MOB3A: variants seen among roughly 807,000 people sequenced by gnomAD.
MOB3A encodes the protein MOB kinase activator 3A.
A neutral mutation model predicts 17.8 loss-of-function variants in MOB3A; 17 were observed. The ratio of observed to expected loss-of-function variants is 0.95; its 90% CI spans 0.65 to 1.43. The LOEUF is 1.43. MOB3A is among the 40% of genes most tolerant of loss of function. The pLI, the probability that MOB3A is intolerant of heterozygous loss-of-function variation, is 0.00. For synonymous variants in MOB3A, 124 were observed against 133.2 expected, an observed-to-expected ratio of 0.93 and a Z score of 0.48; for missense variants, 333 against 310.8, an observed-to-expected ratio of 1.07 and a Z score of -0.54.
intron 2 of MOB3A, among the ~76,000 whole-genome samples, chr19:2,080,529 A>C (rs763351660): frequency 4.6e-5 from 7 of 152,122 alleles, no homozygotes; most frequent in Non-Finnish European, 1.0e-4. Context: ...AGGCACGTGC[A>C]ACCACACCCA....
intron 2 of MOB3A, among the ~76,000 whole-genome samples, chr19:2,081,768 C>T (rs867936285): frequency 5.3e-5 from 8 of 151,976 alleles, no homozygotes; most frequent in South Asian, 2.1e-4. Context: ...CCTGAAATTC[C>T]GGCTACTTGG....
In MOB3A at chr19:2,076,794, G is replaced by T; in HGVS notation, c.624+17C>A. 6.2e-7 allele frequency: 1 copy of T among 1,612,164 alleles called. No homozygotes were observed. The stretch of plus-strand genomic sequence containing the variant: ...GCCCCACCGTAACCGCACGCCCTCA[G>T]CCCCAAGCCCGCGCACCAGTGGCTC... On this transcript the variant is annotated intron_variant, in intron 4 of 4. Transcript: ENST00000357066.
chr19:2,094,492 C>G (rs1254527175), intron 1 of MOB3A, among the ~76,000 whole-genome samples: 5 of 152,196 alleles, frequency 3.3e-5, no homozygotes, highest in Non-Finnish European at 7.3e-5. Flanking sequence ...TCTCACGGGT[C>G]AAAACCTAGA....
In MOB3A at chr19:2,076,859, ATAG is replaced by A. The variant is rs1418483338; in HGVS notation, c.573_575del (p.Tyr192del). 5.0e-6 allele frequency: 8 copies of A among 1,613,938 alleles called. No homozygotes were observed. The highest frequency in any genetic ancestry group is 2.2e-5 in the East Asian group (1 of 44,898). ...CGATGAGGCCGAACTCCTTGACGAA[ATAG>A]TAGAAGTGCTTGTAGCAGGTGTTCA... On this transcript the variant is annotated inframe_deletion, in exon 4 of 5. Transcript: ENST00000357066.
rs369446517 is a variant in MOB3A at position 2,073,388 on chromosome 19, G to A, written c.*7C>T. ...GCGGTTCGGGCACCGGGAGACCCGC[G>A]GGGCTCTCAGTGGCACATCCGGGCG... On this transcript the variant is annotated 3_prime_UTR_variant, in exon 5 of 5. Transcript: ENST00000357066. 2.1e-5 allele frequency: 34 copies of A among 1,613,284 alleles called. No individual in the cohort carries two copies. The highest frequency in any genetic ancestry group is 1.7e-4 in the African/African-American group (13 of 74,894).
In MOB3A at chr19:2,078,567, G is replaced by A. The variant is rs1183350714; in HGVS notation, c.-7C>T. On this transcript the variant is annotated 5_prime_UTR_variant, in exon 3 of 5. Transcript: ENST00000357066. The stretch of plus-strand genomic sequence containing the variant: ...TCAGGAAGGGGTTGGACATCTTGGT[G>A]ACGCCTGCTCTCCTGGACTTCTGTA... 6.4e-7 allele frequency: 1 copy of A among 1,558,698 alleles called. No homozygotes were observed. The highest frequency in any genetic ancestry group is 8.7e-7 in the Non-Finnish European group (1 of 1,148,380).
Position 2,072,785 on chromosome 19 carries a change from G to T in MOB3A, c.*610C>A, listed in dbSNP as rs1456358967. 6.6e-6 allele frequency: 1 copy of T among 152,350 alleles called. No individual in the cohort carries two copies. The highest frequency in any genetic ancestry group is 1.5e-5 in the Non-Finnish European group (1 of 68,142). 9.4% of individuals were successfully genotyped at this position (152,350 alleles called of 1,614,324 possible). A position where few individuals can be genotyped will look rare whatever the true frequency, so the allele number is the denominator to read the frequency against. On this transcript the variant is annotated 3_prime_UTR_variant, in exon 5 of 5. Transcript: ENST00000357066. Reference sequence around the variant, plus strand: ...TCTGTAGAAAAATGGAAGAGATTGGGGAGGGAGGAAAGAGGCTGCCTGGGT... The same window carrying T: ...TCTGTAGAAAAATGGAAGAGATTGGTGAGGGAGGAAAGAGGCTGCCTGGGT...
chr19:2,086,942 A>C (rs1161905136), intron 1 of MOB3A, among the ~76,000 whole-genome samples: 1 of 151,946 alleles, frequency 6.6e-6, no homozygotes, highest in African/African-American at 2.4e-5. Flanking sequence ...CAGGCACACA[A>C]CACCACACCT....
chr19:2,076,935 TA>T lies in MOB3A; in HGVS notation c.499del (p.Tyr167ThrfsTer17), dbSNP rs1804403208. The stretch of plus-strand genomic sequence containing the variant: ...CGCGATGCGGTCAAAGTGGTGGATG[TA>T]GACGTGCACGAACACGCGGAACAGC... The part of the protein sequence containing the change: ...SRLFRVFVHV[Y>X]IHHFDRIAQM... On this transcript the variant is annotated frameshift_variant, in exon 4 of 5. Transcript: ENST00000357066. LOFTEE classifies it high-confidence loss of function. 1.2e-6 allele frequency: 2 copies of T among 1,613,848 alleles called. No homozygotes were observed. The highest frequency in any genetic ancestry group is 8.5e-7 in the Non-Finnish European group (1 of 1,180,022).
chr19:2,075,425 A>G (rs1283558738), intron 4 of MOB3A, among the ~76,000 whole-genome samples: 3 of 152,292 alleles, frequency 2.0e-5, no homozygotes, highest in East Asian at 3.9e-4. Flanking sequence ...GCTTGCATCC[A>G]TGAGTTCAGA....
At chr19:2,089,615 A>T (rs2017590610) in intron 1 of MOB3A, among the ~76,000 whole-genome samples, 1 of 151,670 alleles carries the variant, frequency 6.6e-6, no homozygotes. Context: ...GTGGCCCATG[A>T]TCCTCTGCTC....
At chr19:2,084,032 A>C (rs2017522096) in intron 2 of MOB3A, 2 of 399,702 alleles carry the variant, frequency 5.0e-6, no homozygotes, top group African/African-American at 2.1e-5. Flanking sequence ...TCAGCTTCCC[A>C]AAGTGCTGGG....
intron 1 of MOB3A, among the ~76,000 whole-genome samples, chr19:2,091,296 G>C (rs2017611026): frequency 6.6e-6 from 1 of 152,204 alleles, no homozygotes; most frequent in South Asian, 2.1e-4. Flanking sequence ...ACAGTTTTAA[G>C]AAGAATGAGA....
chr19:2,077,333 T>G (rs2017425331), intron 3 of MOB3A, among the ~76,000 whole-genome samples: 1 of 149,944 alleles, frequency 6.7e-6, no homozygotes, highest in Non-Finnish European at 1.5e-5. Context: ...ACCTGGGAGG[T>G]AGAGGTTGAA....
chr19:2,080,026 C>T (rs755594805), intron 2 of MOB3A, among the ~76,000 whole-genome samples: 10 of 152,170 alleles, frequency 6.6e-5, no homozygotes, highest in Non-Finnish European at 1.2e-4. Flanking sequence ...TCACACACCG[C>T]GCGTGTGCCG....
intron 4 of MOB3A, among the ~76,000 whole-genome samples, chr19:2,075,774 G>A (rs975417024): frequency 3.9e-5 from 6 of 152,120 alleles, no homozygotes; most frequent in African/African-American, 7.2e-5. Context: ...ACCTGGTAAC[G>A]TGGAAAGCAG....
chr19:2,075,850 C>T lies in MOB3A; in HGVS notation c.624+961G>A, dbSNP rs111252837. Reference sequence around the variant, plus strand: ...AAGTCGGGTGGAATCTAGGCAGGTGCGGTGGCTCCTGTCTGTCATTCCAGC... The same window carrying T: ...AAGTCGGGTGGAATCTAGGCAGGTGTGGTGGCTCCTGTCTGTCATTCCAGC... On this transcript the variant is annotated intron_variant, in intron 4 of 4. Coordinates refer to ENST00000357066, the MANE Select transcript of MOB3A (RefSeq NM_130807.3). Among the ~76,000 whole-genome samples, 97 of 151,928 alleles carry T rather than the reference C, an allele frequency of 6.4e-4. 1 individual carries two copies. Among genetic ancestry groups the T allele is most frequent in the African/African-American group, 2.1e-3 (89 of 41,440 alleles).
rs142519002 is a variant in MOB3A at position 2,074,278 on chromosome 19, A to C, written c.625-854T>G. On this transcript the variant is annotated intron_variant, in intron 4 of 4. Transcript: ENST00000357066. The stretch of plus-strand genomic sequence containing the variant: ...AACAAACAAACAAAAAAACCCCAGA[A>C]ACTTTATTTACAAAAACAGGAAGCC... Among the ~76,000 whole-genome samples the C allele has an allele frequency of 3.8e-3, 584 of 152,216 alleles. 3 individuals are homozygous for C. The highest frequency in any genetic ancestry group is 8.8e-3 in the African/African-American group (366 of 41,530).
intron 2 of MOB3A, among the ~76,000 whole-genome samples, chr19:2,084,593 CCTTTTT>C (rs907317591): frequency 4.1e-4 from 62 of 150,904 alleles, no homozygotes; most frequent in Admixed American, 3.6e-3. Flanking sequence ...TTTTTTTTTT[CCTTTTT>C]ATTTTTTTTG....
Sources: allele counts gnomAD v4.1 joint callset (sites outside exome capture counted in the v4.1 genomes callset), GRCh38; gene constraint gnomAD v4.1.1; transcripts MANE v1.5; gene names NCBI Gene and HGNC (gene_info 2026-07-23, HGNC 2026-07-21).